TPD52: variants seen among roughly 807,000 people sequenced by gnomAD.
TPD52 encodes the protein tumor protein D52, also known as prostate and colon associated protein.
Under a neutral mutation model 31.3 loss-of-function variants are expected in TPD52, and 17 were observed. The observed-to-expected ratio is 0.54, with a 90% CI of 0.37 to 0.82. The LOEUF is 0.82. Among genes scored for constraint, TPD52 ranks in the 40% least tolerant of loss-of-function variants. TPD52 has a pLI of 0.00. For synonymous variants in TPD52, 83 were observed against 89.6 expected, an observed-to-expected ratio of 0.93 and a Z score of 0.42; for missense variants, 212 against 240.1, an observed-to-expected ratio of 0.88 and a Z score of 0.77.
chr8:80,053,542 T>C, intron 2 of TPD52, 112 bp from the exon 3 acceptor site: 1 of 1,148,560 alleles, frequency 8.7e-7, no homozygotes, highest in Non-Finnish European at 1.2e-6. Context: ...TTTTGAATCA[T>C]TTATCTTTCT....
intron 7 of TPD52, chr8:80,042,162 A>G (rs1810451845): frequency 1.0e-6 from 1 of 984,288 alleles, no homozygotes; most frequent in African/African-American, 1.7e-5. Context: ...ATACAGGAAA[A>G]TGATTATGAT....
At chr8:80,124,110 T>C (rs768588133) in intron 1 of TPD52, among the ~76,000 whole-genome samples, 1 of 151,206 alleles carries the variant, frequency 6.6e-6, no homozygotes, top group East Asian at 1.9e-4. Flanking sequence ...TGTTAGGCAA[T>C]ACTAGAGAGG....
At chr8:80,140,003 A>G (rs748169361) in intron 1 of TPD52, among the ~76,000 whole-genome samples, 6 of 152,250 alleles carry the variant, frequency 3.9e-5, no homozygotes, top group South Asian at 4.1e-4. Context: ...CTGACTGAAA[A>G]AAGAAAAGAA....
chr8:80,054,539 G>A (rs34864202), intron 2 of TPD52, among the ~76,000 whole-genome samples: 84,986 of 151,896 alleles, frequency 0.56, 24,663 homozygotes, highest in East Asian at 0.7. Flanking sequence ...AGAGAAATGC[G>A]TCTCCTGGCT....
rs1235567484 is a variant in TPD52 at position 80,034,780 on chromosome 8, T to C, written c.*3336A>G. 6.6e-6 allele frequency: 1 copy of C among 152,208 alleles called. No homozygotes were observed. Among genetic ancestry groups the C allele is most frequent in the Non-Finnish European group, 1.5e-5 (1 of 68,034 alleles). The allele number at this position is 152,208 out of a possible 1,614,324, so 9.4% of individuals were successfully genotyped here. ...TTCAAACAAAACTGTATTTGGCTTT[T>C]TCTATATGATAGAAGAACCACAAAA... On this transcript the variant is annotated 3_prime_UTR_variant, in exon 8 of 8. Coordinates refer to ENST00000518937, the MANE Select transcript of TPD52 (RefSeq NM_001025253.3).
At chr8:80,109,823 T>A (rs1290009566) in intron 1 of TPD52, among the ~76,000 whole-genome samples, 1 of 152,232 alleles carries the variant, frequency 6.6e-6, no homozygotes, top group Non-Finnish European at 1.5e-5. Context: ...AGTTTTATTA[T>A]CTACCTGTAG....
intron 1 of TPD52, among the ~76,000 whole-genome samples, chr8:80,098,062 G>C (rs1164772700): frequency 1.3e-5 from 2 of 152,180 alleles, no homozygotes; most frequent in Non-Finnish European, 2.9e-5. Flanking sequence ...TTTATAATAT[G>C]GTTTACTGAA....
intron 1 of TPD52, among the ~76,000 whole-genome samples, chr8:80,140,991 A>G (rs997171812): frequency 1.9e-5 from 2 of 104,062 alleles, no homozygotes; most frequent in South Asian, 2.9e-4. Flanking sequence ...GTGTAGAAAG[A>G]GTATCAATCA....
intron 1 of TPD52, among the ~76,000 whole-genome samples, chr8:80,162,467 C>A (rs73252135): frequency 1.3e-5 from 2 of 151,784 alleles, no homozygotes; most frequent in Non-Finnish European, 2.9e-5. Flanking sequence ...AGGAAACAGA[C>A]AAATTGAAGC....
intron 1 of TPD52, among the ~76,000 whole-genome samples, chr8:80,139,601 C>A (rs1809680481): frequency 7.2e-6 from 1 of 138,828 alleles, no homozygotes; most frequent in Non-Finnish European, 1.5e-5. Flanking sequence ...AAATTCAGCA[C>A]AACCATGAAA....
Position 80,050,435 on chromosome 8 carries a change from C to G in TPD52, c.413+10G>C. On this transcript the variant is annotated intron_variant, in intron 5 of 7. Coordinates refer to ENST00000518937, the MANE Select transcript of TPD52 (RefSeq NM_001025253.3). The stretch of plus-strand genomic sequence containing the variant: ...TGCTGGACTGCAGTGATGGTTCAAA[C>G]TCTCCTTACCTAAAGGAATGTGAAA... 2 of 1,605,416 alleles carry G rather than the reference C, an allele frequency of 1.2e-6. No homozygotes were observed. The highest frequency in any genetic ancestry group is 1.7e-6 in the Non-Finnish European group (2 of 1,176,216).
rs369927757 is a variant in TPD52 at position 80,134,347 on chromosome 8, G to T, written c.19+37078C>A. ...CACCTTTACAAGAGGAAAATGGTTT[G>T]CCCCAATAAGAAAACATTCATATAG... On this transcript the variant is annotated intron_variant, in intron 1 of 7. Transcript: ENST00000518937. 1.5e-3 allele frequency among the ~76,000 whole-genome samples: 225 copies of T among 152,252 alleles called. 1 individual carries two copies. Among genetic ancestry groups the T allele is most frequent in the African/African-American group, 5.2e-3 (217 of 41,542 alleles).
At chr8:80,154,830 T>G (rs978517619) in intron 1 of TPD52, among the ~76,000 whole-genome samples, 1 of 152,006 alleles carries the variant, frequency 6.6e-6, no homozygotes, top group African/African-American at 2.4e-5. Context: ...TTTCAGGGTT[T>G]TTTTTCTATT....
At chr8:80,045,285 A>G (rs1308545257) in intron 5 of TPD52, among the ~76,000 whole-genome samples, 1 of 152,180 alleles carries the variant, frequency 6.6e-6, no homozygotes. Context: ...CCAGAACTCT[A>G]AGTATCACCT....
intron 2 of TPD52, among the ~76,000 whole-genome samples, chr8:80,060,084 CAA>C (rs77812307): frequency 6.2e-5 from 5 of 80,708 alleles, no homozygotes; most frequent in Admixed American, 1.5e-4. Context: ...GACTCCATCT[CAA>C]AAAAAAAAAA....
chr8:80,086,518 TTAC>T (rs1409976956), intron 1 of TPD52, among the ~76,000 whole-genome samples: 1 of 152,078 alleles, frequency 6.6e-6, no homozygotes, highest in African/African-American at 2.4e-5. Context: ...GAGACTGGCA[TTAC>T]TAGGTCCATT....
chr8:80,042,130 T>G (rs1156355900), intron 7 of TPD52: 1 of 946,536 alleles, frequency 1.1e-6, no homozygotes, highest in Non-Finnish European at 1.3e-6. Context: ...TTGCACATAA[T>G]ATTGAAAGAG....
intron 1 of TPD52, among the ~76,000 whole-genome samples, chr8:80,116,827 G>A (rs1406245236): frequency 6.6e-6 from 1 of 150,566 alleles, no homozygotes; most frequent in Non-Finnish European, 1.5e-5. Flanking sequence ...ATTTATCCCA[G>A]GAATGTAAGT....
rs368488594 is a variant in TPD52, at chr8:80,051,517, G to A, written c.386+10C>T. On this transcript the variant is annotated intron_variant, in intron 4 of 7. Transcript: ENST00000518937. The stretch of plus-strand genomic sequence containing the variant: ...AGCTACTTAATGAGCAAGGAAAAAT[G>A]AGGACATACTTTACATCTTCCAGCT... 3.1e-6 allele frequency: 5 copies of A among 1,612,254 alleles called. No individual in the cohort carries two copies. The African/African-American group carries it at 5.3e-5, about 17-fold the overall frequency.
Sources: allele counts gnomAD v4.1 joint callset (sites outside exome capture counted in the v4.1 genomes callset), GRCh38; gene constraint gnomAD v4.1.1; transcripts MANE v1.5; gene names NCBI Gene and HGNC (gene_info 2026-07-23, HGNC 2026-07-21).